The following ZNF112 variants were observed in gnomAD, a reference collection of about 807,000 sequenced individuals.
ZNF112 encodes the protein zinc finger protein 112.
A neutral mutation model predicts 77.7 loss-of-function variants in ZNF112; 37 were observed. That is an observed-to-expected ratio of 0.48 (90% confidence interval 0.37 to 0.63). The LOEUF is 0.63. Ranked by LOEUF, ZNF112 falls within the 20% of genes least tolerant of loss-of-function variation. The probability of loss-of-function intolerance (pLI) is 0.00; values close to 1 mark genes in which losing one functional copy is unlikely to be tolerated. For missense variants in ZNF112, 950 were observed against 1,077.4 expected, an observed-to-expected ratio of 0.88 and a Z score of 1.66; for synonymous variants, 333 against 363.6, an observed-to-expected ratio of 0.92 and a Z score of 0.96.
rs1220960965 is a variant in ZNF112, at chr19:44,329,413, C to T, written c.744G>A (p.Glu248=). 6.2e-7 allele frequency: 1 copy of T among 1,614,048 alleles called. No homozygotes were observed. The highest frequency in any genetic ancestry group is 2.2e-5 in the East Asian group (1 of 44,864). ...SLLNQESIQT[E]EKPYPCTGYR... is the part of the protein sequence containing the mutation. The stretch of plus-strand genomic sequence containing the variant: ...ACCCAGTACATGGATAGGGCTTCTC[C>T]TCTGTTTGAATTGACTCCTGATTAA... The change falls in exon 4 of 4, where the codon GAG becomes GAA. Residue 248 remains glutamate (E), a synonymous_variant. Transcript: ENST00000354340.
rs1469977052 is a variant in ZNF112, at chr19:44,327,229, C to G, written c.*204G>C. The G allele has an allele frequency of 1.3e-5, 7 of 520,038 alleles. No individual in the cohort carries two copies. Among genetic ancestry groups the G allele is most frequent in the South Asian group, 9.2e-5 (3 of 32,668 alleles). 32.2% of individuals were successfully genotyped at this position (520,038 alleles called of 1,614,324 possible). On this transcript the variant is annotated 3_prime_UTR_variant, in exon 4 of 4. Transcript: ENST00000354340. Reference sequence around the variant, plus strand: ...CCTGACCATACTCATATTTTATAAGCCTTAGCTCCTGTGCAATGACTGATG... The same window carrying G: ...CCTGACCATACTCATATTTTATAAGGCTTAGCTCCTGTGCAATGACTGATG...
exon 1 of ZNF112, chr19:44,367,175 A>G: frequency 4.4e-6 from 2 of 455,754 alleles, no homozygotes; most frequent in Non-Finnish European, 8.8e-6. Flanking sequence ...TTGCTGTCTC[A>G]GGCCTCACTC....
chr19:44,327,514 T>C lies in ZNF112; in HGVS notation c.2643A>G (p.Lys881=). ...TACCATAGTCTTCGCTTTTATAGAA[T>C]TTATCACTACTATGGACTCTTTGAT... ...LIHQRVHSSD[K]FYKSEDYGKD... The change falls in exon 4 of 4, where the codon AAA becomes AAG. Residue 881 remains lysine (K), a synonymous_variant. Transcript: ENST00000354340. 2 of 1,613,958 alleles carry C rather than the reference T, an allele frequency of 1.2e-6. No homozygotes were observed. The highest frequency in any genetic ancestry group is 1.7e-6 in the Non-Finnish European group (2 of 1,179,918).
chr19:44,330,487 G>A lies in ZNF112; in HGVS notation c.221-551C>T, dbSNP rs143889684. Among the ~76,000 whole-genome samples, 1,314 of 152,290 alleles carry A rather than the reference G, an allele frequency of 8.6e-3. 19 individuals are homozygous for A. Among genetic ancestry groups the A allele is most frequent in the African/African-American group, 0.03 (1,236 of 41,546 alleles). On this transcript the variant is annotated intron_variant, in intron 3 of 3. Transcript: ENST00000354340. ...ATGGTGGCTCATGCCTGTAACCCTA[G>A]CACTTTGGGAGGCCAAGTCGGGTGG...
intron 1 of ZNF112, chr19:44,343,434 A>G (rs1252619802): frequency 5.8e-6 from 4 of 690,738 alleles, no homozygotes; most frequent in Non-Finnish European, 7.1e-6. Flanking sequence ...AGCAGGTAGC[A>G]TGGGTTGGAT....
intron 2 of ZNF112, among the ~76,000 whole-genome samples, chr19:44,338,486 G>A (rs1335869448): frequency 1.3e-5 from 2 of 152,148 alleles, no homozygotes; most frequent in African/African-American, 4.8e-5. Context: ...CCACCTTTGA[G>A]GGACAGATGA....
At chr19:44,343,428 G>A (rs1970529118) in intron 1 of ZNF112, 2 of 721,074 alleles carry the variant, frequency 2.8e-6, no homozygotes, top group African/African-American at 3.6e-5. Context: ...TTAAGGAGCA[G>A]GTAGCATGGG....
chr19:44,347,780 A>T (rs1250611815), intron 1 of ZNF112, among the ~76,000 whole-genome samples: 1 of 152,104 alleles, frequency 6.6e-6, no homozygotes, highest in Non-Finnish European at 1.5e-5. Flanking sequence ...CATATTTTAA[A>T]GAGTAGAAAA....
rs1223187040 is a variant in ZNF112, at chr19:44,329,648, G to A, written c.509C>T (p.Ser170Phe). 2 of 1,614,132 alleles carry A rather than the reference G, an allele frequency of 1.2e-6. No homozygotes were observed. Among genetic ancestry groups the A allele is most frequent in the Non-Finnish European group, 1.7e-6 (2 of 1,180,020 alleles). Residue 170 changes from serine (S) to phenylalanine (F), a missense_variant, in exon 4 of 4, where the codon TCT becomes TTT. This residue lies in a region of ZNF112 where 560 missense variants were observed against 557.3 expected (regional missense o/e 1.00). Transcript: ENST00000354340. ...CCTCCAAGAATGATGTGCCCTCCAA[G>A]ATGGATACCCTTGACTTTTTATATA... The part of the protein sequence containing the change: ...SNYIKSQGYP[S>F]WRAHHSWRKM...
intron 1 of ZNF112, among the ~76,000 whole-genome samples, chr19:44,366,430 TA>T (rs1970905206): frequency 6.6e-6 from 1 of 152,060 alleles, no homozygotes; most frequent in Non-Finnish European, 1.5e-5. Context: ...CAGAATGTGC[TA>T]ATTAGTAAAT....
intron 3 of ZNF112, among the ~76,000 whole-genome samples, chr19:44,335,726 C>A (rs151184136): frequency 1.3e-5 from 2 of 152,338 alleles, no homozygotes; most frequent in East Asian, 3.9e-4. Context: ...CTCCTACTCT[C>A]AAGGGTACCA....
chr19:44,367,037 C>G (rs538964951), intron 1 of ZNF112: 11 of 455,264 alleles, frequency 2.4e-5, no homozygotes, highest in South Asian at 1.7e-4. Context: ...AGATCCTCAA[C>G]CCGCCAAGAC....
intron 2 of ZNF112, 81 bp downstream of exon 2, chr19:44,340,335 G>A (rs1970466570): frequency 1.9e-6 from 3 of 1,542,816 alleles, no homozygotes; most frequent in East Asian, 2.3e-5. Context: ...TAATTTCAGG[G>A]GCTTCAGAGT....
upstream of ZNF112, among the ~76,000 whole-genome samples, chr19:44,359,312 GTTCTTTTT>G (rs1469205211): frequency 2.8e-4 from 28 of 101,558 alleles, no homozygotes; most frequent in South Asian, 1.1e-3. Context: ...ATATATTAGA[GTTCTTTTT>G]TTTTTTTTTT....
chr19:44,331,900 G>A (rs1028565441), intron 3 of ZNF112, among the ~76,000 whole-genome samples: 6 of 152,216 alleles, frequency 3.9e-5, no homozygotes, highest in Non-Finnish European at 8.8e-5. Flanking sequence ...TACTGCTGAT[G>A]AGAAAAGCAA....
intron 3 of ZNF112, among the ~76,000 whole-genome samples, chr19:44,332,376 T>G (rs1214872686): frequency 6.6e-6 from 1 of 152,232 alleles, no homozygotes; most frequent in African/African-American, 2.4e-5. Context: ...GTATGCATCT[T>G]GGTACTTTAA....
chr19:44,356,363 T>C (rs940914348), intron 1 of ZNF112, among the ~76,000 whole-genome samples: 2 of 152,136 alleles, frequency 1.3e-5, no homozygotes, highest in African/African-American at 4.8e-5. Flanking sequence ...AGCTGGTTGA[T>C]GGTCAGGGGA....
intron 1 of ZNF112, among the ~76,000 whole-genome samples, chr19:44,342,327 T>A (rs951225654): frequency 1.3e-5 from 2 of 152,226 alleles, no homozygotes; most frequent in African/African-American, 4.8e-5. Context: ...GACAAAATCA[T>A]ATTTTATGTA....
chr19:44,327,513 A>C lies in ZNF112; in HGVS notation c.2644T>G (p.Phe882Val). 1.2e-6 allele frequency: 2 copies of C among 1,613,942 alleles called. No homozygotes were observed. The highest frequency in any genetic ancestry group is 1.7e-6 in the Non-Finnish European group (2 of 1,179,912). Residue 882 changes from phenylalanine (F) to valine (V), a missense_variant, in exon 4 of 4, where the codon TTC becomes GTC. Physicochemically the swap from Phe to Val is conservative, Grantham distance 50 (BLOSUM62 -1). This residue lies in a region of ZNF112 where 373 missense variants were observed against 482.8 expected (regional missense o/e 0.77). Transcript: ENST00000354340. ...TTACCATAGTCTTCGCTTTTATAGA[A>C]TTTATCACTACTATGGACTCTTTGA... ...IHQRVHSSDK[F>V]YKSEDYGKDY...
Sources: allele counts gnomAD v4.1 joint callset (sites outside exome capture counted in the v4.1 genomes callset), GRCh38; gene constraint gnomAD v4.1.1; regional missense constraint gnomAD v4.1.1; transcripts MANE v1.5; gene names NCBI Gene and HGNC (gene_info 2026-07-23, HGNC 2026-07-21).